The following DIAPH2 variants were observed in gnomAD, a reference collection of about 807,000 sequenced individuals.
DIAPH2 encodes the protein diaphanous related formin 2, also known as protein diaphanous homolog 2.
Under a neutral mutation model 92.7 loss-of-function variants are expected in DIAPH2, and 35 were observed. That is an observed-to-expected ratio of 0.38 (90% confidence interval 0.29 to 0.50). The LOEUF (loss-of-function observed/expected upper bound fraction) is 0.50, where lower values mean the gene tolerates loss of function less well. Ranked by LOEUF, DIAPH2 falls within the 20% of genes least tolerant of loss-of-function variation. The pLI, the probability that DIAPH2 is intolerant of heterozygous loss-of-function variation, is 0.94. For synonymous variants in DIAPH2, 301 were observed against 280.4 expected (o/e 1.07, Z -0.73); for missense variants, 701 against 819.5 (o/e 0.86, Z 1.77).
At chrX:96,835,667 T>C (rs1323559673) in intron 4 of DIAPH2, among the ~76,000 whole-genome samples, 1 of 112,238 alleles carries the variant, frequency 8.9e-6, no homozygotes, top group Non-Finnish European at 1.9e-5. Flanking sequence ...TTTTAAAAAT[T>C]GAGTAGAGAT....
At chrX:97,468,739 A>G (rs1226900093) in intron 26 of DIAPH2, among the ~76,000 whole-genome samples, 1 of 111,426 alleles carries the variant, frequency 9.0e-6, no homozygotes, top group African/African-American at 3.3e-5. Context: ...ACACTAAAAC[A>G]TTAGTTAATA....
At chrX:96,968,411 T>G (rs28882460) in intron 17 of DIAPH2, among the ~76,000 whole-genome samples, 52,869 of 107,226 alleles carry the variant, frequency 0.49, 9,878 homozygotes, top group South Asian at 0.61. Context: ...TAGAGACGAG[T>G]TTTCACCATG....
At chrX:97,475,644 G>A (rs772350158) in intron 26 of DIAPH2, among the ~76,000 whole-genome samples, 3 of 111,715 alleles carry the variant, frequency 2.7e-5, no homozygotes, top group Non-Finnish European at 5.6e-5. Flanking sequence ...ATTACAGAGT[G>A]AAAAAAGACA....
chrX:96,965,402 A>G (rs185473668), intron 17 of DIAPH2, among the ~76,000 whole-genome samples, 195 bp downstream of exon 17: 162 of 111,941 alleles, frequency 1.4e-3, no homozygotes, highest in Non-Finnish European at 2.5e-3. Context: ...GAATTTTATT[A>G]TACATAAATG....
At chrX:97,484,211 G>A (rs1037731784) in intron 26 of DIAPH2, among the ~76,000 whole-genome samples, 2 of 111,497 alleles carry the variant, frequency 1.8e-5, no homozygotes, top group African/African-American at 6.5e-5. Context: ...TACTACTGAA[G>A]TTTGAATACC....
rs1308344025 is a variant in DIAPH2 at position 97,384,042 on chromosome X, A to G, written c.3143A>G (p.Lys1048Arg). 8.7e-7 allele frequency: 1 copy of G among 1,148,170 alleles called. No homozygotes were observed. The highest frequency in any genetic ancestry group is 1.8e-5 in the African/African-American group (1 of 54,756). 94.6% of individuals were successfully genotyped at this position (1,148,170 alleles called of 1,213,427 possible). A position where few individuals can be genotyped will look rare whatever the true frequency, so the allele number is the denominator to read the frequency against. ...KKKKQLIDIN[K>R]EGDETGVMDN... The stretch of plus-strand genomic sequence containing the variant: ...AAGAAACAACTCATTGATATAAACA[A>G]AGGTATGAAAATATTTCCAATTTTT... The change falls in exon 25 of 27, where the codon AAA becomes AGA. Residue 1048 changes from lysine (K) to arginine (R), a missense_variant and splice_region_variant. Lys to Arg is a conservative substitution (Grantham distance 26). This residue lies in a region of DIAPH2 where 536 missense variants were observed against 599.3 expected (regional missense o/e 0.89). Coordinates refer to ENST00000324765, the MANE Select transcript of DIAPH2 (RefSeq NM_006729.5).
intron 25 of DIAPH2, among the ~76,000 whole-genome samples, chrX:97,389,031 TAGAA>T (rs1346374358): frequency 1.8e-5 from 2 of 111,284 alleles, no homozygotes; most frequent in Non-Finnish European, 3.8e-5. Context: ...GAATGAGAAA[TAGAA>T]AGGCAAAAAA....
intron 26 of DIAPH2, among the ~76,000 whole-genome samples, chrX:97,489,393 C>CT (rs201149535): frequency 2.8e-5 from 3 of 106,336 alleles, no homozygotes; most frequent in Admixed American, 1.0e-4. Context: ...AGTTTTACTT[C>CT]TTTTTTTTTT....
At chrX:96,826,474 T>C (rs1383787804) in intron 4 of DIAPH2, among the ~76,000 whole-genome samples, 1 of 111,242 alleles carries the variant, frequency 9.0e-6, no homozygotes, top group Non-Finnish European at 1.9e-5. Context: ...CCCTTAATTA[T>C]ATAAAGCAAA....
At chrX:97,160,841 G>C (rs2067364581) in intron 22 of DIAPH2, among the ~76,000 whole-genome samples, 1 of 111,236 alleles carries the variant, frequency 9.0e-6, no homozygotes, top group Non-Finnish European at 1.9e-5. Flanking sequence ...ATCACAGAGA[G>C]ATACCATATA....
intron 23 of DIAPH2, among the ~76,000 whole-genome samples, chrX:97,338,414 C>G (rs2069084400): frequency 9.0e-6 from 1 of 111,505 alleles, no homozygotes; most frequent in African/African-American, 3.3e-5. Flanking sequence ...TAAAAATTAT[C>G]CAAATTAAAT....
chrX:97,586,312 A>C (rs1210461804), intron 26 of DIAPH2, among the ~76,000 whole-genome samples: 1 of 110,212 alleles, frequency 9.1e-6, no homozygotes, highest in Non-Finnish European at 1.9e-5. Context: ...CATTCTCCCA[A>C]ACATATAGGC....
chrX:97,206,482 G>A (rs1186630072), intron 22 of DIAPH2, among the ~76,000 whole-genome samples: 1 of 111,648 alleles, frequency 9.0e-6, no homozygotes, highest in Admixed American at 9.5e-5. Flanking sequence ...GTCCTAAAAT[G>A]CTGTTTCATT....
chrX:97,053,598 C>A lies in DIAPH2; in HGVS notation c.2051-19343C>A, dbSNP rs148346312. The stretch of plus-strand genomic sequence containing the variant: ...TACTCATTTTTAGAATAGGGAAACA[C>A]GCTATTATAACTACCTATTGAAGAA... On this transcript the variant is annotated intron_variant, in intron 17 of 26. Transcript: ENST00000324765. 4.2e-3 allele frequency among the ~76,000 whole-genome samples: 462 copies of A among 111,093 alleles called. 1 individual carries two copies. Among genetic ancestry groups the A allele is most frequent in the African/African-American group, 0.014 (439 of 30,643 alleles).
At chrX:97,514,533 C>T (rs1260385245) in intron 26 of DIAPH2, among the ~76,000 whole-genome samples, 1 of 112,355 alleles carries the variant, frequency 8.9e-6, no homozygotes, top group Non-Finnish European at 1.9e-5. Context: ...CTCCGTCCAG[C>T]TTTGTTCCGT....
chrX:97,578,154 ATTTTT>A (rs2071411085), intron 26 of DIAPH2, among the ~76,000 whole-genome samples: 1 of 87,314 alleles, frequency 1.1e-5, no homozygotes, highest in African/African-American at 4.4e-5. Flanking sequence ...GCATATTTTT[ATTTTT>A]ATTTATTTTT....
intron 22 of DIAPH2, among the ~76,000 whole-genome samples, chrX:97,191,657 C>T (rs766012623): frequency 6.5e-4 from 73 of 112,306 alleles, no homozygotes; most frequent in African/African-American, 2.2e-3. Flanking sequence ...TAAAAACCTA[C>T]AATGCATTCA....
At chrX:97,282,033 AG>A in intron 23 of DIAPH2, among the ~76,000 whole-genome samples, 1 of 111,123 alleles carries the variant, frequency 9.0e-6, no homozygotes, top group Middle Eastern at 4.7e-3. Context: ...CAAGAAAAAA[AG>A]AAAAAAAAAG....
intron 23 of DIAPH2, among the ~76,000 whole-genome samples, chrX:97,302,826 A>G (rs1326831606): frequency 1.8e-5 from 2 of 111,310 alleles, no homozygotes; most frequent in African/African-American, 6.5e-5. Context: ...TCTACCAAAA[A>G]TACAAAAATT....
Sources: allele counts gnomAD v4.1 joint callset (sites outside exome capture counted in the v4.1 genomes callset), GRCh38; gene constraint gnomAD v4.1.1; regional missense constraint gnomAD v4.1.1; transcripts MANE v1.5; gene names NCBI Gene and HGNC (gene_info 2026-07-23, HGNC 2026-07-21).